LPCAT1: variants seen among roughly 807,000 people sequenced by gnomAD.
LPCAT1 encodes the protein lysophosphatidylcholine acyltransferase 1.
Under a neutral mutation model 60.9 loss-of-function variants are expected in LPCAT1, and 23 were observed. That is an observed-to-expected ratio of 0.38 (90% confidence interval 0.27 to 0.53). The LOEUF (loss-of-function observed/expected upper bound fraction) is 0.53. Ranked by LOEUF, LPCAT1 falls within the 20% of genes least tolerant of loss-of-function variation. The probability of loss-of-function intolerance (pLI) is 0.82; values close to 1 mark genes in which losing one functional copy is unlikely to be tolerated. For missense variants in LPCAT1, 622 were observed against 723.6 expected (o/e 0.86, Z 1.61); for synonymous variants, 340 against 301.1 (o/e 1.13, Z -1.34).
Position 1,522,250 on chromosome 5 carries a change from A to T in LPCAT1, c.135+1460T>A, listed in dbSNP as rs1288451980. ...TGACTCAGGGAGAGTGACCAGGGAG[A>T]GAGCCTGGTGGCTGGGTGGGGGTGA... On this transcript the variant is annotated intron_variant, in intron 1 of 13. Transcript: ENST00000283415. This position sits in a 1 kb window ranked among gnomAD's most constrained non-coding sequence, Gnocchi z 6.8. Among the ~76,000 whole-genome samples, 2 of 152,144 alleles carry T rather than the reference A, an allele frequency of 1.3e-5. No individual in the cohort carries two copies. Among genetic ancestry groups the T allele is most frequent in the Non-Finnish European group, 2.9e-5 (2 of 68,014 alleles).
Position 1,480,827 on chromosome 5 carries a change from T to A in LPCAT1, c.761+115A>T. 3 of 1,270,802 alleles carry A rather than the reference T, an allele frequency of 2.4e-6. No individual in the cohort carries two copies. The highest frequency in any genetic ancestry group is 1.2e-5 in the South Asian group (1 of 84,342). 78.7% of individuals were successfully genotyped at this position (1,270,802 alleles called of 1,614,324 possible). On this transcript the variant is annotated intron_variant, in intron 7 of 13. Transcript: ENST00000283415. This position sits in a 1 kb window ranked among gnomAD's most constrained non-coding sequence, Gnocchi z 6.4. Reference sequence around the variant, plus strand: ...CACAATGGGCTGAACCTAACGGCTGTCCCACACCTGCTTTCACAACTGCAA... The same window carrying A: ...CACAATGGGCTGAACCTAACGGCTGACCCACACCTGCTTTCACAACTGCAA...
At chr5:1,466,238 T>C (rs2911486) in intron 13 of LPCAT1, among the ~76,000 whole-genome samples, 2 of 152,288 alleles carry the variant, frequency 1.3e-5, no homozygotes, top group Non-Finnish European at 1.5e-5. Context: ...TGCTCTGGAA[T>C]CAGCCGTGTT....
rs1734924508 is a variant in LPCAT1, at chr5:1,476,501, G to A, written c.899+903C>T. Among the ~76,000 whole-genome samples, 1 of 152,256 alleles carries A rather than the reference G, an allele frequency of 6.6e-6. No individual in the cohort carries two copies. The highest frequency in any genetic ancestry group is 2.4e-5 in the African/African-American group (1 of 41,542). On this transcript the variant is annotated intron_variant, in intron 9 of 13. Coordinates refer to ENST00000283415, the MANE Select transcript of LPCAT1 (RefSeq NM_024830.5). This position sits in a 1 kb window ranked among gnomAD's most constrained non-coding sequence, Gnocchi z 8.6. ...GCACACTCTGATGGGCCCGGCCGTG[G>A]CTGTGTTCCCCTCTGGGCTCTCTGG...
chr5:1,492,181 G>C (rs1735610941), intron 3 of LPCAT1, among the ~76,000 whole-genome samples: 1 of 151,932 alleles, frequency 6.6e-6, no homozygotes, highest in Non-Finnish European at 1.5e-5. Flanking sequence ...AAACCTGGGA[G>C]ATGTCTCTGA....
At chr5:1,478,664 C>T (rs1735017825) in intron 8 of LPCAT1, among the ~76,000 whole-genome samples, 1 of 152,268 alleles carries the variant, frequency 6.6e-6, no homozygotes, top group Non-Finnish European at 1.5e-5. Flanking sequence ...AGCTTATCCT[C>T]TATGGAAGTG....
In LPCAT1 at chr5:1,523,091, G is replaced by C. The variant is rs1329796226; in HGVS notation, c.135+619C>G. On this transcript the variant is annotated intron_variant, in intron 1 of 13. Coordinates refer to ENST00000283415, the MANE Select transcript of LPCAT1 (RefSeq NM_024830.5). This position sits in a 1 kb window ranked among gnomAD's most constrained non-coding sequence, Gnocchi z 7.1. ...CGAAGCATGCACCCCAGAAGGCAAC[G>C]TGCGGCCGCAGAGCAGGGAGACCCG... Among the ~76,000 whole-genome samples, 1 of 152,232 alleles carries C rather than the reference G, an allele frequency of 6.6e-6. No homozygotes were observed. The highest frequency in any genetic ancestry group is 2.4e-5 in the African/African-American group (1 of 41,464).
At chr5:1,497,910 C>T (rs1735852932) in intron 2 of LPCAT1, among the ~76,000 whole-genome samples, 1 of 152,250 alleles carries the variant, frequency 6.6e-6, no homozygotes, top group Non-Finnish European at 1.5e-5. Flanking sequence ...CAGCTCAGGA[C>T]TTGGCCCGTG....
chr5:1,473,667 C>A (rs1278325287), intron 11 of LPCAT1, among the ~76,000 whole-genome samples: 2 of 152,180 alleles, frequency 1.3e-5, no homozygotes, highest in African/African-American at 4.8e-5. Context: ...CTTGGAGACC[C>A]CAGGCTGGGT....
chr5:1,465,313 CACAAA>C (rs1193773499), intron 13 of LPCAT1, among the ~76,000 whole-genome samples: 1 of 146,580 alleles, frequency 6.8e-6, no homozygotes, highest in Non-Finnish European at 1.5e-5. Context: ...TGCGCGCACA[CACAAA>C]ACAAGCGCAG....
intron 5 of LPCAT1, among the ~76,000 whole-genome samples, chr5:1,486,871 G>A (rs1489571066): frequency 6.6e-6 from 1 of 152,224 alleles, no homozygotes; most frequent in Non-Finnish European, 1.5e-5. Context: ...AAGCCACCGT[G>A]TCATCTCCCC....
At chr5:1,499,240 G>A (rs1253682939) in intron 2 of LPCAT1, among the ~76,000 whole-genome samples, 2 of 152,250 alleles carry the variant, frequency 1.3e-5, no homozygotes, top group Non-Finnish European at 2.9e-5. Flanking sequence ...TGAAAAGTGA[G>A]AGCCTGTGCT....
chr5:1,464,282 A>G (rs1313848208), intron 13 of LPCAT1, among the ~76,000 whole-genome samples: 1 of 152,152 alleles, frequency 6.6e-6, no homozygotes, highest in Non-Finnish European at 1.5e-5. Context: ...CTCGGACTGC[A>G]CTTCCTGGCC....
In LPCAT1 at chr5:1,474,069, G is replaced by A; in HGVS notation, c.1067C>T (p.Ser356Leu). The change falls in exon 11 of 14, where the codon TCA (serine) becomes TTA (leucine). Residue 356 changes from serine to leucine, a missense_variant. Ser to Leu is a moderately radical substitution (Grantham distance 145, BLOSUM62 -2). This residue lies in a region of LPCAT1 where 288 missense variants were observed against 283.6 expected (regional missense o/e 1.02). Transcript: ENST00000283415. The stretch of plus-strand genomic sequence containing the variant: ...TCCTCCCTTCATCCTGGCTCTTTCT[G>A]AGTATCTGTCCAGATCTTTTTCAAG... ...EKLEKDLDRY[S>L]ERARMKGGEK... The A allele has an allele frequency of 1.2e-6, 2 of 1,614,200 alleles. No homozygotes were observed. The highest frequency in any genetic ancestry group is 3.3e-5 in the Admixed American group (2 of 60,034).
intron 1 of LPCAT1, among the ~76,000 whole-genome samples, chr5:1,507,640 C>T (rs745324351): frequency 9.9e-5 from 15 of 152,166 alleles, no homozygotes; most frequent in Non-Finnish European, 1.3e-4. Context: ...CGAGCGCTCA[C>T]GCCTGCAGTC....
chr5:1,477,441 CG>C lies in LPCAT1; in HGVS notation c.861del (p.Ala288ArgfsTer19). 6.2e-7 allele frequency: 1 copy of C among 1,614,036 alleles called. No individual in the cohort carries two copies. ...YSPSEEEKRN[P>X]ALYASNVRRV... ...CGCCGCACGTTGCTGGCATACAGCG[CG>C]GGGTTCCTCTTCTCCTCCTCAGAAG... is the stretch of plus-strand genomic sequence containing the variant. On this transcript the variant is annotated frameshift_variant, in exon 9 of 14. Coordinates refer to ENST00000283415, the MANE Select transcript of LPCAT1 (RefSeq NM_024830.5). LOFTEE classifies it high-confidence loss of function. This position sits in a 1 kb window ranked among gnomAD's most constrained non-coding sequence, Gnocchi z 6.0.
Position 1,523,752 on chromosome 5 carries a change from G to C in LPCAT1, c.93C>G (p.Pro31=), listed in dbSNP as rs1236411947. The C allele has an allele frequency of 2.6e-6, 3 of 1,173,038 alleles. No individual in the cohort carries two copies. The highest frequency in any genetic ancestry group is 3.2e-6 in the Non-Finnish European group (3 of 943,528). 72.7% of individuals were successfully genotyped at this position (1,173,038 alleles called of 1,614,324 possible). A position where few individuals can be genotyped will look rare whatever the true frequency, so the allele number is the denominator to read the frequency against. Residue 31 remains proline, a synonymous_variant, in exon 1 of 14, where the codon CCC becomes CCG. Transcript: ENST00000283415. The surrounding 1 kb of genome is among the most constrained non-coding windows in gnomAD (Gnocchi z 7.1). Reference sequence around the variant, plus strand: ...CGCTGAGGCGCAGCTCGTGCACGAAGGGGTTCCGCCCCGGGGGCGCCAGCA... The same window carrying C: ...CGCTGAGGCGCAGCTCGTGCACGAACGGGTTCCGCCCCGGGGGCGCCAGCA... The part of the protein sequence containing the change: ...ARLLAPPGRN[P]FVHELRLSAL...
intron 1 of LPCAT1, among the ~76,000 whole-genome samples, chr5:1,517,010 G>A (rs1489795421): frequency 1.3e-5 from 2 of 152,348 alleles, no homozygotes; most frequent in East Asian, 1.9e-4. Flanking sequence ...GCAAAATGAC[G>A]TGGGTTTCAC....
At chr5:1,485,076 G>A (rs1006872713) in intron 5 of LPCAT1, among the ~76,000 whole-genome samples, 4 of 152,178 alleles carry the variant, frequency 2.6e-5, no homozygotes, top group African/African-American at 9.7e-5. Flanking sequence ...AGGAGCTCGC[G>A]TGGAGTGCCG....
At chr5:1,467,530 T>G (rs1342435183) in intron 12 of LPCAT1, among the ~76,000 whole-genome samples, 1 of 152,096 alleles carries the variant, frequency 6.6e-6, no homozygotes, top group Admixed American at 6.5e-5. Flanking sequence ...CAGGGCCCAG[T>G]GCCGAGGCGC....
Sources: gnomAD v4.1 joint callset for allele counts (sites outside exome capture counted in the v4.1 genomes callset) on GRCh38, gnomAD v4.1.1 for gene constraint, gnomAD v4.1.1 regional missense constraint, Gnocchi (gnomAD v3.1) non-coding constraint, MANE v1.5 for transcripts, NCBI Gene and HGNC (gene_info 2026-07-23, HGNC 2026-07-21) for gene names.